Variants in NR1H4 observed in about 807,000 individuals in gnomAD.
NR1H4 encodes the protein bile acid receptor.
Under a neutral mutation model 58.5 loss-of-function variants are expected in NR1H4, and 23 were observed. That is an observed-to-expected ratio of 0.39 (90% CI 0.28 to 0.56). NR1H4 has a LOEUF of 0.56. Ranked by LOEUF, NR1H4 falls within the 20% of genes least tolerant of loss-of-function variation. The pLI, the probability that NR1H4 is intolerant of heterozygous loss-of-function variation, is 0.58. For missense variants in NR1H4, 487 were observed against 576.9 expected (o/e 0.84, Z 1.60); for synonymous variants, 214 against 198.0 (o/e 1.08, Z -0.68).
chr12:100,555,970 C>T (rs1955313550), intron 9 of NR1H4, among the ~76,000 whole-genome samples: 1 of 152,026 alleles, frequency 6.6e-6, no homozygotes, highest in Admixed American at 6.6e-5. Flanking sequence ...TGATGTAATC[C>T]CCAAATTGCT....
intron 8 of NR1H4, among the ~76,000 whole-genome samples, chr12:100,537,889 T>C (rs1954849501): frequency 6.6e-6 from 1 of 152,140 alleles, no homozygotes; most frequent in African/African-American, 2.4e-5. Context: ...AATTTTTGTA[T>C]TTTTAGTAGA....
At chr12:100,493,467 A>C in intron 3 of NR1H4, 65 bp downstream of exon 3, 1 of 818,976 alleles carries the variant, frequency 1.2e-6, no homozygotes, top group South Asian at 1.4e-5. Flanking sequence ...ACATGAGGAA[A>C]TGCCTAGATG....
chr12:100,505,651 T>C (rs1953942581), intron 3 of NR1H4: 1 of 700,710 alleles, frequency 1.4e-6, no homozygotes. Flanking sequence ...TGGAGAACCG[T>C]CACAAAGGAA....
chr12:100,529,505 T>C (rs1954641063), intron 4 of NR1H4, among the ~76,000 whole-genome samples: 1 of 152,194 alleles, frequency 6.6e-6, no homozygotes, highest in South Asian at 2.1e-4. Flanking sequence ...TCAAGGACAC[T>C]TAATCACATT....
chr12:100,536,964 G>A lies in NR1H4; in HGVS notation c.848G>A (p.Ser283Asn). Reference sequence around the variant, plus strand: ...AAAATTTAGTTAAAAGAAGAATTCAGTGCAGAAGAAAATTTTCTCATTTTG... The same window carrying A: ...AAAATTTAGTTAAAAGAAGAATTCAATGCAGAAGAAAATTTTCTCATTTTG... ...ITNKILKEEF[S>N]AEENFLILTE... The change falls in exon 8 of 11, where the codon AGT becomes AAT. Residue 283 changes from serine to asparagine, a missense_variant. Physicochemically the swap from Ser to Asn is conservative, Grantham distance 46. Coordinates refer to ENST00000392986, the MANE Select transcript of NR1H4 (RefSeq NM_001206979.2). 1 of 1,589,314 alleles carries A rather than the reference G, an allele frequency of 6.3e-7. No homozygotes were observed. Among genetic ancestry groups the A allele is most frequent in the South Asian group, 1.2e-5 (1 of 86,648 alleles).
chr12:100,552,308 A>C (rs1955220870), intron 9 of NR1H4, among the ~76,000 whole-genome samples: 1 of 152,204 alleles, frequency 6.6e-6, no homozygotes, highest in African/African-American at 2.4e-5. Context: ...TATATTTTAA[A>C]TTAAATATTT....
intron 4 of NR1H4, among the ~76,000 whole-genome samples, chr12:100,511,445 GTTTTGTTTGT>G (rs1237365693): frequency 6.6e-6 from 1 of 151,984 alleles, no homozygotes; most frequent in African/African-American, 2.4e-5. Flanking sequence ...TTTTTTGTAG[GTTTTGTTTGT>G]TTTTGTTGTT....
chr12:100,493,231 C>T (rs773594296), intron 2 of NR1H4, 39 bp from the exon 3 acceptor site: 17 of 729,866 alleles, frequency 2.3e-5, no homozygotes, highest in African/African-American at 1.6e-4. Flanking sequence ...CAACCCTTCC[C>T]GCATTCCCAC....
intron 4 of NR1H4, among the ~76,000 whole-genome samples, chr12:100,526,987 G>T (rs2136214050): frequency 6.6e-6 from 1 of 152,280 alleles, no homozygotes; most frequent in East Asian, 1.9e-4. Flanking sequence ...GGATGGAAAA[G>T]AAAATGAAAA....
Position 100,510,726 on chromosome 12 carries a change from T to C in NR1H4, c.80-52T>C, listed in dbSNP as rs2136157067. On this transcript the variant is annotated intron_variant, in intron 3 of 10. Transcript: ENST00000392986. ...TAACCATTACGCCAAACTGCCTCTC[T>C]AATTTCCAGAATGATGACATTCATT... 1.9e-6 allele frequency: 3 copies of C among 1,610,870 alleles called. No individual in the cohort carries two copies. The East Asian group carries it at 6.7e-5, about 36-fold the overall frequency.
rs375121119 is a variant in NR1H4 at position 100,526,816 on chromosome 12, A to T, written c.446-5642A>T. On this transcript the variant is annotated intron_variant, in intron 4 of 10. Coordinates refer to ENST00000392986, the MANE Select transcript of NR1H4 (RefSeq NM_001206979.2). ...CCAGACTCATCCCATTCCCAATTCTACAAGCATTGCCCTTCACCTCCAACA... is the reference window on the plus strand; with the variant it reads ...CCAGACTCATCCCATTCCCAATTCTTCAAGCATTGCCCTTCACCTCCAACA... Among the ~76,000 whole-genome samples, 12 of 152,274 alleles carry T rather than the reference A, an allele frequency of 7.9e-5. No homozygotes were observed. The East Asian group carries it at 1.2e-3, about 15-fold the overall frequency.
rs1954828391 is a variant in NR1H4, at chr12:100,536,971, A to C, written c.855A>C (p.Glu285Asp). ...AGTTAAAAGAAGAATTCAGTGCAGA[A>C]GAAAATTTTCTCATTTTGACGGAAA... ...NKILKEEFSA[E>D]ENFLILTEMA... is the part of the protein sequence containing the mutation. Residue 285 changes from glutamate (E) to aspartate (D), a missense_variant, in exon 8 of 11, where the codon GAA becomes GAC. Physicochemically the swap from Glu to Asp is conservative, Grantham distance 45. Coordinates refer to ENST00000392986, the MANE Select transcript of NR1H4 (RefSeq NM_001206979.2). The C allele has an allele frequency of 3.8e-6, 6 of 1,598,286 alleles. No homozygotes were observed. Among genetic ancestry groups the C allele is most frequent in the Non-Finnish European group, 5.1e-6 (6 of 1,172,374 alleles).
At chr12:100,524,973 C>T (rs570357900) in intron 4 of NR1H4, among the ~76,000 whole-genome samples, 1 of 152,254 alleles carries the variant, frequency 6.6e-6, no homozygotes, top group Non-Finnish European at 1.5e-5. Context: ...GCCAGCCCCT[C>T]CTCTTGTCTC....
At position 100,560,302 on chromosome 12, in the gene NR1H4, G is replaced by T. The variant is rs568817287; in HGVS notation, c.1079-1583G>T. The stretch of plus-strand genomic sequence containing the variant: ...CGAGCCCGCATTGGCAACCCACTCG[G>T]GTCCCCTTCCACACTGTGGAGGCTT... On this transcript the variant is annotated intron_variant, in intron 9 of 10. Transcript: ENST00000392986. Among the ~76,000 whole-genome samples the T allele has an allele frequency of 1.3e-4, 20 of 152,308 alleles. No homozygotes were observed. In the East Asian group the frequency reaches 3.7e-3, roughly 28 times the overall value.
intron 9 of NR1H4, among the ~76,000 whole-genome samples, chr12:100,552,086 A>T (rs538957583): frequency 2.6e-5 from 4 of 152,126 alleles, no homozygotes; most frequent in Non-Finnish European, 5.9e-5. Context: ...TCTTCCATTA[A>T]CCTGTTAATT....
Position 100,517,440 on chromosome 12 carries a change from C to T in NR1H4, c.445+6297C>T, listed in dbSNP as rs577533396. 3.5e-4 allele frequency among the ~76,000 whole-genome samples: 53 copies of T among 152,206 alleles called. 1 individual carries two copies. The highest frequency in any genetic ancestry group is 4.6e-4 in the African/African-American group (19 of 41,528). ...CTTGATCCAGTCATCCATTGATGAA[C>T]GCTTAGGTTGATCCCCTATCTTGGC... On this transcript the variant is annotated intron_variant, in intron 4 of 10. Coordinates refer to ENST00000392986, the MANE Select transcript of NR1H4 (RefSeq NM_001206979.2).
rs60277729 is a variant in NR1H4 at position 100,543,559 on chromosome 12, T to TTGTGTGTG, written c.1078+2763_1078+2770dup. 8.3e-4 allele frequency among the ~76,000 whole-genome samples: 121 copies of TTGTGTGTG among 145,706 alleles called. 1 individual carries two copies. The highest frequency in any genetic ancestry group is 4.2e-3 in the East Asian group (21 of 5,002). On this transcript the variant is annotated intron_variant, in intron 9 of 10. Transcript: ENST00000392986. ...AATATGGATTTTGGTTCTGGACAGA[T>TTGTGTGTG]TGTGTGTGTGTGTGTGTGTGTGTGT...
At chr12:100,516,729 A>G (rs1433948641) in intron 4 of NR1H4, among the ~76,000 whole-genome samples, 6 of 152,216 alleles carry the variant, frequency 3.9e-5, no homozygotes, top group East Asian at 3.9e-4. Flanking sequence ...TACAGCAACT[A>G]TGGAAAGTAG....
At chr12:100,495,742 A>G (rs1953701573) in intron 3 of NR1H4, among the ~76,000 whole-genome samples, 1 of 151,052 alleles carries the variant, frequency 6.6e-6, no homozygotes. Context: ...AAAACAAACA[A>G]AAAAAAAACA....
Sources: allele counts gnomAD v4.1 joint callset (sites outside exome capture counted in the v4.1 genomes callset), GRCh38; gene constraint gnomAD v4.1.1; transcripts MANE v1.5; gene names NCBI Gene and HGNC (gene_info 2026-07-23, HGNC 2026-07-21).